The following GRM1 variants were observed in gnomAD, a reference collection of about 807,000 sequenced individuals.
GRM1 encodes the protein metabotropic glutamate receptor 1.
GRM1 carries 33 observed loss-of-function variants against 90.9 expected under a neutral mutation model. The ratio of observed to expected loss-of-function variants is 0.36; its 90% CI spans 0.28 to 0.49. The LOEUF (loss-of-function observed/expected upper bound fraction) is 0.49. Among genes scored for constraint, GRM1 ranks in the 20% least tolerant of loss-of-function variants. The pLI is 0.99. For missense variants in GRM1, 1,190 were observed against 1,534.3 expected, an observed-to-expected ratio of 0.78 and a Z score of 3.75; for synonymous variants, 700 against 613.2, an observed-to-expected ratio of 1.14 and a Z score of -2.09.
intron 2 of GRM1, among the ~76,000 whole-genome samples, chr6:146,292,036 G>T (rs1783004698): frequency 6.6e-6 from 1 of 151,972 alleles, no homozygotes; most frequent in South Asian, 2.1e-4. Flanking sequence ...CAGTGAAGAA[G>T]CCAAGATCAT....
At chr6:146,123,772 G>A (rs1776093126) in intron 1 of GRM1, among the ~76,000 whole-genome samples, 1 of 152,082 alleles carries the variant, frequency 6.6e-6, no homozygotes. Context: ...GATCCCATCT[G>A]CCTCAAACAT....
At chr6:146,327,490 T>A (rs1784434859) in intron 3 of GRM1, among the ~76,000 whole-genome samples, 1 of 152,168 alleles carries the variant, frequency 6.6e-6, no homozygotes, top group East Asian at 1.9e-4. Flanking sequence ...CAGCCTTCAA[T>A]AAGAGACCAC....
intron 1 of GRM1, among the ~76,000 whole-genome samples, chr6:146,134,548 C>T (rs1228796979): frequency 6.6e-6 from 1 of 152,106 alleles, no homozygotes; most frequent in Admixed American, 6.6e-5. Flanking sequence ...TCCTTCTTCA[C>T]ATGGTGTCAG....
At chr6:146,144,432 T>C (rs1331949868) in intron 1 of GRM1, among the ~76,000 whole-genome samples, 1 of 152,186 alleles carries the variant, frequency 6.6e-6, no homozygotes, top group Non-Finnish European at 1.5e-5. Context: ...GCTACCACAC[T>C]CAACCTCTTC....
chr6:146,292,806 G>A (rs1390547958), intron 2 of GRM1, among the ~76,000 whole-genome samples: 1 of 151,878 alleles, frequency 6.6e-6, no homozygotes, highest in Admixed American at 6.6e-5. Flanking sequence ...TCAAAAAAAT[G>A]CATGTATACA....
chr6:146,113,710 A>G (rs181110240), intron 1 of GRM1, among the ~76,000 whole-genome samples: 301 of 152,314 alleles, frequency 2.0e-3, no homozygotes, highest in African/African-American at 5.8e-3. Context: ...AACAAAGCCT[A>G]TAAATGACAG....
At chr6:146,213,406 A>C (rs1779746393) in intron 2 of GRM1, among the ~76,000 whole-genome samples, 1 of 152,124 alleles carries the variant, frequency 6.6e-6, no homozygotes, top group African/African-American at 2.4e-5. Flanking sequence ...AAAAGCAAGA[A>C]GGGGGCAGAT....
At chr6:146,100,245 C>T (rs914338211) in intron 1 of GRM1, among the ~76,000 whole-genome samples, 1 of 152,078 alleles carries the variant, frequency 6.6e-6, no homozygotes, top group Non-Finnish European at 1.5e-5. Context: ...GTGTATTTCT[C>T]ATTGAGTTTA....
intron 2 of GRM1, among the ~76,000 whole-genome samples, chr6:146,181,017 A>G (rs1029910064): frequency 6.6e-6 from 1 of 152,176 alleles, no homozygotes; most frequent in South Asian, 2.1e-4. Context: ...ACGTATAATT[A>G]TAAGAGAAAT....
At position 146,144,327 on chromosome 6, in the gene GRM1, C is replaced by T. The variant is rs543771848; in HGVS notation, c.701-15021C>T. ...TCCTTTTAGGCCCAATCTCTAAATA[C>T]AGCTACATTGGATTTTAAAACTTCA... is the stretch of plus-strand genomic sequence containing the variant. On this transcript the variant is annotated intron_variant, in intron 1 of 7. Coordinates refer to ENST00000282753, the MANE Select transcript of GRM1 (RefSeq NM_001278064.2). Among the ~76,000 whole-genome samples the T allele has an allele frequency of 3.3e-5, 5 of 152,278 alleles. No individual in the cohort carries two copies. In the East Asian group the frequency reaches 9.6e-4, roughly 29 times the overall value.
intron 7 of GRM1, among the ~76,000 whole-genome samples, chr6:146,412,470 G>C (rs1026507846): frequency 8.5e-5 from 13 of 152,058 alleles, no homozygotes; most frequent in African/African-American, 2.7e-4. Flanking sequence ...ATTTACAGTA[G>C]AGATGACAAT....
intron 2 of GRM1, among the ~76,000 whole-genome samples, chr6:146,283,478 A>G (rs1051532118): frequency 6.6e-6 from 1 of 152,176 alleles, no homozygotes; most frequent in Non-Finnish European, 1.5e-5. Context: ...AAACAAAGCA[A>G]GTTTTGCTCT....
intron 5 of GRM1, among the ~76,000 whole-genome samples, chr6:146,385,205 A>G (rs187315176): frequency 3.5e-4 from 53 of 152,234 alleles, no homozygotes; most frequent in Non-Finnish European, 7.2e-4. Context: ...GTTGCTAAAA[A>G]CCAGTGATAA....
At chr6:146,318,932 C>G (rs573744514) in intron 3 of GRM1, among the ~76,000 whole-genome samples, 2 of 152,184 alleles carry the variant, frequency 1.3e-5, no homozygotes, top group Admixed American at 6.5e-5. Context: ...CAAAAATGTT[C>G]TCCCATTTTG....
intron 2 of GRM1, among the ~76,000 whole-genome samples, chr6:146,277,957 T>G (rs1055552574): frequency 1.3e-5 from 2 of 152,162 alleles, no homozygotes; most frequent in Non-Finnish European, 2.9e-5. Flanking sequence ...AACTTTAAAT[T>G]ACATTAAGAG....
intron 5 of GRM1, among the ~76,000 whole-genome samples, chr6:146,359,985 A>C (rs1057445357): frequency 1.3e-5 from 2 of 152,158 alleles, no homozygotes; most frequent in African/African-American, 4.8e-5. Context: ...GTATGGAAAC[A>C]AATGAAATTT....
In GRM1 at chr6:146,234,678, T is replaced by G. The variant is rs564176132; in HGVS notation, c.951-69933T>G. On this transcript the variant is annotated intron_variant, in intron 2 of 7. Transcript: ENST00000282753. ...TTTTATAAATTCATTGCAACTATGTTTGCTTGTGACAATTATCTTTTAGAA... is the reference window on the plus strand; with the variant it reads ...TTTTATAAATTCATTGCAACTATGTGTGCTTGTGACAATTATCTTTTAGAA... 8.5e-5 allele frequency among the ~76,000 whole-genome samples: 13 copies of G among 152,296 alleles called. No individual in the cohort carries two copies. In the East Asian group the frequency reaches 2.5e-3, roughly 29 times the overall value.
chr6:146,295,531 C>A (rs1477622201), intron 2 of GRM1, among the ~76,000 whole-genome samples: 5 of 152,180 alleles, frequency 3.3e-5, no homozygotes, highest in Admixed American at 3.3e-4. Flanking sequence ...CCACACCAGC[C>A]TATCCATTTC....
chr6:146,401,199 TA>T (rs1356889320), intron 7 of GRM1, among the ~76,000 whole-genome samples: 2 of 152,160 alleles, frequency 1.3e-5, no homozygotes, highest in African/African-American at 4.8e-5. Context: ...GGATTTCAAG[TA>T]AAGACATCCC....
Sources: gnomAD v4.1 joint callset for allele counts (sites outside exome capture counted in the v4.1 genomes callset) on GRCh38, gnomAD v4.1.1 for gene constraint, MANE v1.5 for transcripts, NCBI Gene and HGNC (gene_info 2026-07-23, HGNC 2026-07-21) for gene names.